The following CADPS variants were observed in gnomAD, a reference collection of about 807,000 sequenced individuals.
CADPS encodes the protein calcium-dependent secretion activator 1.
In CADPS, 57 loss-of-function variants were observed where a neutral mutation model predicts 167.3. That is an observed-to-expected ratio of 0.34 (90% CI 0.28 to 0.42). CADPS has a LOEUF of 0.42. Among genes scored for constraint, CADPS ranks in the 20% least tolerant of loss-of-function variants. The pLI, the probability that CADPS is intolerant of heterozygous loss-of-function variation, is 1.00. For synonymous variants in CADPS, 676 were observed against 635.3 expected (o/e 1.06, Z -0.96); for missense variants, 1,414 against 1,738.1 (o/e 0.81, Z 3.32).
chr3:62,537,540 G>A lies in CADPS; in HGVS notation c.1967-959C>T, dbSNP rs138983694. Reference sequence around the variant, plus strand: ...TCATCTTTACTGACTCTCCTGATACGCAGACTTTGGAGAAAAAGAATCTTC... The same window carrying A: ...TCATCTTTACTGACTCTCCTGATACACAGACTTTGGAGAAAAAGAATCTTC... On this transcript the variant is annotated intron_variant, in intron 11 of 29. Coordinates refer to ENST00000383710, the MANE Select transcript of CADPS (RefSeq NM_003716.4). Among the ~76,000 whole-genome samples the A allele has an allele frequency of 2.6e-3, 399 of 152,242 alleles. 1 individual carries two copies. Among genetic ancestry groups the A allele is most frequent in the African/African-American group, 8.5e-3 (355 of 41,544 alleles).
At chr3:62,744,572 C>T (rs756139824) in intron 3 of CADPS, among the ~76,000 whole-genome samples, 1 of 152,134 alleles carries the variant, frequency 6.6e-6, no homozygotes, top group Non-Finnish European at 1.5e-5. Flanking sequence ...ATTTGCAAGG[C>T]TGTGCTAGAT....
intron 3 of CADPS, among the ~76,000 whole-genome samples, chr3:62,682,240 TTAAGGA>T (rs1402474961): frequency 5.3e-5 from 8 of 152,088 alleles, no homozygotes; most frequent in African/African-American, 1.9e-4. Context: ...TTTTTGGAAA[TTAAGGA>T]TAAGTGCAGG....
At position 62,478,251 on chromosome 3, in the gene CADPS, C is replaced by G. The variant is rs375603327; in HGVS notation, c.3329+10G>C. ...GGGTGTGCAGAACCTGTCCAGCCAC[C>G]TATACTTACCTTTTGACACAAGATT... On this transcript the variant is annotated intron_variant, in intron 23 of 29. Transcript: ENST00000383710. This position sits in a 1 kb window ranked among gnomAD's most constrained non-coding sequence, Gnocchi z 5.7. 1.2e-6 allele frequency: 2 copies of G among 1,613,492 alleles called. No homozygotes were observed. Among genetic ancestry groups the G allele is most frequent in the South Asian group, 1.1e-5 (1 of 91,038 alleles).
chr3:62,813,434 C>T (rs2094475765), intron 1 of CADPS, among the ~76,000 whole-genome samples: 1 of 150,716 alleles, frequency 6.6e-6, no homozygotes, highest in Non-Finnish European at 1.5e-5. Context: ...CAAACTGGAC[C>T]CCTACATTTT....
chr3:62,623,864 A>G (rs1031456495), intron 6 of CADPS, among the ~76,000 whole-genome samples: 2 of 152,154 alleles, frequency 1.3e-5, no homozygotes, highest in African/African-American at 4.8e-5. Context: ...ATTCTTGGCT[A>G]AAAGAGATGA....
At chr3:62,463,467 G>A (rs2059609815) in intron 26 of CADPS, among the ~76,000 whole-genome samples, 1 of 152,212 alleles carries the variant, frequency 6.6e-6, no homozygotes, top group Non-Finnish European at 1.5e-5. Context: ...GGACTTCACT[G>A]AGGAATGAAA....
At chr3:62,667,090 C>G (rs562083582) in intron 3 of CADPS, among the ~76,000 whole-genome samples, 1 of 135,538 alleles carries the variant, frequency 7.4e-6, no homozygotes, top group Non-Finnish European at 1.5e-5. Context: ...AACAAGCAAT[C>G]GAATCTTTCT....
At chr3:62,855,665 A>C (rs1164855840) in intron 1 of CADPS, among the ~76,000 whole-genome samples, 1 of 152,176 alleles carries the variant, frequency 6.6e-6, no homozygotes, top group East Asian at 1.9e-4. Flanking sequence ...GTAAGTTGTC[A>C]AATGTCTAGT....
At position 62,664,076 on chromosome 3, in the gene CADPS, C is replaced by T. The variant is rs570798169; in HGVS notation, c.889-1682G>A. Among the ~76,000 whole-genome samples, 19 of 151,682 alleles carry T rather than the reference C, an allele frequency of 1.3e-4. No homozygotes were observed. The South Asian group carries it at 3.8e-3, about 30-fold the overall frequency. On this transcript the variant is annotated intron_variant, in intron 3 of 29. Transcript: ENST00000383710. ...AGGCCGGAGTGCAGTGGTGTGATCTCGGCTCACTGCAACCTCCGCCCCTGG... is the reference window on the plus strand; with the variant it reads ...AGGCCGGAGTGCAGTGGTGTGATCTTGGCTCACTGCAACCTCCGCCCCTGG...
chr3:62,440,438 G>C (rs1183541761), intron 27 of CADPS: 1 of 151,062 alleles, frequency 6.6e-6, no homozygotes, highest in Non-Finnish European at 1.5e-5. Flanking sequence ...CTAGAATAAT[G>C]TATGTAAAAA....
At chr3:62,500,892 G>A (rs1235571286) in intron 17 of CADPS, among the ~76,000 whole-genome samples, 1 of 152,122 alleles carries the variant, frequency 6.6e-6, no homozygotes, top group Non-Finnish European at 1.5e-5. Context: ...ATTTAATAAT[G>A]AAAAATAAAT....
chr3:62,399,656 G>T lies in CADPS; in HGVS notation c.3883-71C>A. On this transcript the variant is annotated intron_variant, in intron 29 of 29. Coordinates refer to ENST00000383710, the MANE Select transcript of CADPS (RefSeq NM_003716.4). The surrounding 1 kb of genome is among the most constrained non-coding windows in gnomAD (Gnocchi z 5.6). ...GATGGGGAGGGAGAAGGTAAAAGCAGGTGTGGGTGGGAGAGCACTGACCTT... is the reference window on the plus strand; with the variant it reads ...GATGGGGAGGGAGAAGGTAAAAGCATGTGTGGGTGGGAGAGCACTGACCTT... 7.6e-7 allele frequency: 1 copy of T among 1,314,656 alleles called. No individual in the cohort carries two copies. The highest frequency in any genetic ancestry group is 1.1e-6 in the Non-Finnish European group (1 of 921,898). The allele number at this position is 1,314,656 out of a possible 1,614,324, so 81.4% of individuals were successfully genotyped here.
At chr3:62,482,609 G>T (rs1013554377) in intron 21 of CADPS, among the ~76,000 whole-genome samples, 1 of 152,186 alleles carries the variant, frequency 6.6e-6, no homozygotes, top group Non-Finnish European at 1.5e-5. Context: ...CCAAGGAAAT[G>T]AAAACAATCC....
In CADPS at chr3:62,662,387, T is replaced by C. The variant is rs767364303; in HGVS notation, c.896A>G (p.Asn299Ser). The change falls in exon 4 of 30, where the codon AAT (asparagine) becomes AGT (serine). Residue 299 changes from asparagine (N) to serine (S), a missense_variant. Physicochemically the swap from Asn to Ser is conservative, Grantham distance 46. This residue lies in a region of CADPS where 522 missense variants were observed against 559.5 expected (regional missense o/e 0.93). Coordinates refer to ENST00000383710, the MANE Select transcript of CADPS (RefSeq NM_003716.4). ...QLLYNACQLD[N>S]PDEQAAQIRR... ...GATCTGGGCTGCTTGCTCATCTGGA[T>C]TGTCCAGCTGCACAAAAGCACAGAC... 5.0e-6 allele frequency: 8 copies of C among 1,613,766 alleles called. No individual in the cohort carries two copies. Among genetic ancestry groups the C allele is most frequent in the African/African-American group, 4.0e-5 (3 of 74,912 alleles).
At chr3:62,852,902 G>T (rs990071446) in intron 1 of CADPS, among the ~76,000 whole-genome samples, 15 of 152,168 alleles carry the variant, frequency 9.9e-5, no homozygotes, top group Non-Finnish European at 1.9e-4. Flanking sequence ...ACTCAGATCA[G>T]AGATATGTTA....
chr3:62,772,253 T>A (rs369535979), intron 1 of CADPS, among the ~76,000 whole-genome samples: 2 of 152,208 alleles, frequency 1.3e-5, no homozygotes, highest in South Asian at 4.1e-4. Flanking sequence ...ACTGATGTGG[T>A]ATTCCTTACC....
Position 62,753,912 on chromosome 3 carries a change from C to T in CADPS, c.556-139G>A. On this transcript the variant is annotated intron_variant, in intron 2 of 29. Transcript: ENST00000383710. This position sits in a 1 kb window ranked among gnomAD's most constrained non-coding sequence, Gnocchi z 4.6. ...TGTGGGTCTCACCCTGCCCCACCAC[C>T]TCCTGGCTGTGCAAACTCAGAGTAG... 1 of 724,124 alleles carries T rather than the reference C, an allele frequency of 1.4e-6. No homozygotes were observed. The highest frequency in any genetic ancestry group is 2.3e-6 in the Non-Finnish European group (1 of 438,660). The allele number at this position is 724,124 out of a possible 1,614,324, so 44.9% of individuals were successfully genotyped here.
intron 17 of CADPS, among the ~76,000 whole-genome samples, chr3:62,507,049 C>T (rs1404310250): frequency 6.6e-6 from 1 of 152,168 alleles, no homozygotes; most frequent in Non-Finnish European, 1.5e-5. Context: ...TCTTTTCTTG[C>T]TTAGGCTATT....
chr3:62,523,526 G>T (rs949229577), intron 13 of CADPS, among the ~76,000 whole-genome samples: 1 of 152,136 alleles, frequency 6.6e-6, no homozygotes, highest in African/African-American at 2.4e-5. Context: ...TCCATATTAT[G>T]TTAAAAGCTG....
Sources: gnomAD v4.1 joint callset for allele counts (sites outside exome capture counted in the v4.1 genomes callset) on GRCh38, gnomAD v4.1.1 for gene constraint, gnomAD v4.1.1 regional missense constraint, Gnocchi (gnomAD v3.1) non-coding constraint, MANE v1.5 for transcripts, NCBI Gene and HGNC (gene_info 2026-07-23, HGNC 2026-07-21) for gene names.